The following PDE3B variants were observed in gnomAD, a reference collection of about 807,000 sequenced individuals.
The protein encoded by PDE3B is cGMP-inhibited 3',5'-cyclic phosphodiesterase 3B.
In PDE3B, 66 loss-of-function variants were observed where a neutral mutation model predicts 116.8. The ratio of observed to expected loss-of-function variants is 0.56; its 90% CI spans 0.46 to 0.69. The LOEUF (loss-of-function observed/expected upper bound fraction) is 0.69, where lower values mean the gene tolerates loss of function less well. PDE3B is among the 30% of genes least tolerant of loss of function. PDE3B has a pLI of 0.00. For missense variants in PDE3B, 1,384 were observed against 1,368.1 expected (o/e 1.01, Z -0.18); for synonymous variants, 595 against 533.6 (o/e 1.12, Z -1.59).
At position 14,663,898 on chromosome 11, in the gene PDE3B, T is replaced by G. The variant is rs559028318; in HGVS notation, c.978+18845T>G. Among the ~76,000 whole-genome samples, 296 of 152,206 alleles carry G rather than the reference T, an allele frequency of 1.9e-3. 8 individuals carry two copies. The highest frequency in any genetic ancestry group is 1.4e-3 in the African/African-American group (59 of 41,526). ...CAAGGATACCCAGGAATTGAACTCA[T>G]CTCTGCACCAAGCGGACCTAATAGA... On this transcript the variant is annotated intron_variant, in intron 1 of 15. Coordinates refer to ENST00000282096, the MANE Select transcript of PDE3B (RefSeq NM_000922.4).
chr11:14,792,503 A>G (rs1858419061), intron 4 of PDE3B, among the ~76,000 whole-genome samples: 1 of 152,170 alleles, frequency 6.6e-6, no homozygotes, highest in Non-Finnish European at 1.5e-5. Flanking sequence ...TAAGTATTAT[A>G]ACCCTGGGAG....
intron 1 of PDE3B, among the ~76,000 whole-genome samples, chr11:14,679,498 G>C (rs1302168174): frequency 2.6e-5 from 4 of 152,058 alleles, no homozygotes; most frequent in Admixed American, 2.6e-4. Context: ...ATTTTGGCAA[G>C]CCAGCCAGGA....
At chr11:14,668,500 A>G (rs1278844263) in intron 1 of PDE3B, among the ~76,000 whole-genome samples, 1 of 152,176 alleles carries the variant, frequency 6.6e-6, no homozygotes, top group Non-Finnish European at 1.5e-5. Flanking sequence ...ACTTTTAAGT[A>G]CAAATATATT....
At chr11:14,891,385 G>A in the PDE3B span, 3 of 985,578 alleles carry the variant, frequency 3.0e-6, no homozygotes, top group Middle Eastern at 5.2e-4. Flanking sequence ...TAGGACCCCC[G>A]CAGCGGATTT....
In PDE3B at chr11:14,859,064, T is replaced by C. The variant is rs782405788; in HGVS notation, c.2542T>C (p.Ser848Pro). 1 of 1,612,866 alleles carries C rather than the reference T, an allele frequency of 6.2e-7. No individual in the cohort carries two copies. The change falls in exon 13 of 16, where the codon TCT becomes CCT. Residue 848 changes from serine to proline, a missense_variant. Transcript: ENST00000282096. ...APQAVLYNDR[S>P]VLENHHAASA... ...TTAGGCAGTTTTATACAATGACAGA[T>C]CTGTTCTGGAAAATCATCATGCTGC...
intron 1 of PDE3B, among the ~76,000 whole-genome samples, chr11:14,755,181 GC>G (rs1857152017): frequency 6.6e-6 from 1 of 152,172 alleles, no homozygotes; most frequent in African/African-American, 2.4e-5. Flanking sequence ...GTAATGTCAA[GC>G]CACTGTATAT....
intron 1 of PDE3B, among the ~76,000 whole-genome samples, chr11:14,647,213 CACTT>C (rs1482301604): frequency 6.6e-6 from 1 of 151,916 alleles, no homozygotes; most frequent in Non-Finnish European, 1.5e-5. Flanking sequence ...ATGGTAAAAA[CACTT>C]GCTTGTTTCA....
chr11:14,713,261 C>A (rs1280591267), intron 1 of PDE3B, among the ~76,000 whole-genome samples: 1 of 152,130 alleles, frequency 6.6e-6, no homozygotes, highest in Non-Finnish European at 1.5e-5. Flanking sequence ...GTTTTAAGAT[C>A]AGAGTCCATT....
chr11:14,709,392 A>G (rs1855630644), intron 1 of PDE3B, among the ~76,000 whole-genome samples: 2 of 152,110 alleles, frequency 1.3e-5, no homozygotes, highest in African/African-American at 4.8e-5. Flanking sequence ...CCTTATAATC[A>G]GTGGCATCTG....
chr11:14,702,635 G>A (rs977002787), intron 1 of PDE3B, among the ~76,000 whole-genome samples: 1 of 151,694 alleles, frequency 6.6e-6, no homozygotes, highest in Non-Finnish European at 1.5e-5. Flanking sequence ...GCTACATATG[G>A]CTATTAAAAT....
rs141924244 is a variant in PDE3B at position 14,786,649 on chromosome 11, G to C, written c.1242G>C (p.Glu414Asp). ...GATTTTACCCCTGTTCTGAAATAGA[G>C]GACCCAGCTGAGAAAGGGGATAGAA... Reference protein sequence around the residue: ...FPGFYPCSEIEDPAEKGDRKL... With the variant: ...FPGFYPCSEIDDPAEKGDRKL... The change falls in exon 3 of 16, where the codon GAG becomes GAC. Residue 414 changes from glutamate (E) to aspartate (D), a missense_variant. Transcript: ENST00000282096. 2.2e-4 allele frequency: 353 copies of C among 1,612,018 alleles called. No individual in the cohort carries two copies. In the African/African-American group the frequency reaches 4.0e-3, roughly 18 times the overall value.
the PDE3B span, chr11:14,879,332 A>C: frequency 6.2e-7 from 1 of 1,613,008 alleles, no homozygotes; most frequent in Non-Finnish European, 8.5e-7. Context: ...TATATTACAG[A>C]ATCTTAAAAC....
At chr11:14,890,323 G>T in the PDE3B span, 1 of 255,666 alleles carries the variant, frequency 3.9e-6, no homozygotes, top group Non-Finnish European at 6.1e-6. Context: ...TTATGATGCT[G>T]TGTACCAAGA....
At chr11:14,860,110 GAAGT>G (rs1231632731) in intron 13 of PDE3B, among the ~76,000 whole-genome samples, 1 of 152,130 alleles carries the variant, frequency 6.6e-6, no homozygotes, top group Non-Finnish European at 1.5e-5. Flanking sequence ...AAATCAGTGA[GAAGT>G]AAGGGTACCT....
At position 14,645,059 on chromosome 11, in the gene PDE3B, T is replaced by A; in HGVS notation, c.978+6T>A. 1 of 1,576,254 alleles carries A rather than the reference T, an allele frequency of 6.3e-7. No individual in the cohort carries two copies. The highest frequency in any genetic ancestry group is 8.6e-7 in the Non-Finnish European group (1 of 1,159,716). ...CTTGTATTTCCAGAGAACAGGTATG[T>A]TAGCTGGAAGGCGAGGTCTGGGACG... On this transcript the variant is annotated splice_donor_region_variant and intron_variant, in intron 1 of 15. Transcript: ENST00000282096.
chr11:14,881,998 T>C, the PDE3B span, among the ~76,000 whole-genome samples: 305 of 152,240 alleles, frequency 2.0e-3, 1 homozygote, highest in Non-Finnish European at 1.3e-3. Flanking sequence ...CAACTTATTG[T>C]GCAATAATTT....
chr11:14,892,709 G>A, the PDE3B span, among the ~76,000 whole-genome samples: 3 of 152,194 alleles, frequency 2.0e-5, no homozygotes, highest in Admixed American at 6.5e-5. Context: ...GTAAAAGAAA[G>A]TAATTTTACT....
intron 1 of PDE3B, among the ~76,000 whole-genome samples, chr11:14,669,535 A>G (rs1481581608): frequency 5.5e-5 from 1 of 18,170 alleles, no homozygotes; most frequent in Non-Finnish European, 9.7e-5. Flanking sequence ...ACATATGTAT[A>G]CATGTGCCAT....
chr11:14,880,606 A>G, the PDE3B span: 1 of 1,612,686 alleles, frequency 6.2e-7, no homozygotes, highest in African/African-American at 1.3e-5. Context: ...TTTAAAGTCA[A>G]AAGGTCTACC....
Sources: gnomAD v4.1 joint callset for allele counts (sites outside exome capture counted in the v4.1 genomes callset) on GRCh38, gnomAD v4.1.1 for gene constraint, MANE v1.5 for transcripts, NCBI Gene and HGNC (gene_info 2026-07-23, HGNC 2026-07-21) for gene names.